AKAP12: variants seen among roughly 807,000 people sequenced by gnomAD.
The protein encoded by AKAP12 is A-kinase anchor protein 12.
In AKAP12, 32 loss-of-function variants were observed where a neutral mutation model predicts 79.9. That is an observed-to-expected ratio of 0.40 (90% CI 0.30 to 0.54). The LOEUF is 0.54. Ranked by LOEUF, AKAP12 falls within the 20% of genes least tolerant of loss-of-function variation. AKAP12 has a pLI of 0.48. For synonymous variants in AKAP12, 808 were observed against 857.0 expected, an observed-to-expected ratio of 0.94 and a Z score of 1.00; for missense variants, 2,074 against 2,177.0, an observed-to-expected ratio of 0.95 and a Z score of 0.94.
chr6:151,284,749 C>T (rs1166766162), intron 2 of AKAP12, among the ~76,000 whole-genome samples: 1 of 152,196 alleles, frequency 6.6e-6, no homozygotes, highest in Admixed American at 6.5e-5. Flanking sequence ...TTCTGGTACA[C>T]TTTCTCTTAT....
At chr6:151,321,901 A>ATGTTGTTGTTTTT (rs1163269904) in intron 3 of AKAP12, among the ~76,000 whole-genome samples, 41 of 58,488 alleles carry the variant, frequency 7.0e-4, no homozygotes, top group African/African-American at 2.8e-3. Context: ...CATCAGCTTT[A>ATGTTGTTGTTTTT]TGTTTTTTTT....
At chr6:151,253,500 A>C (rs1306962914) in intron 2 of AKAP12, among the ~76,000 whole-genome samples, 1 of 151,976 alleles carries the variant, frequency 6.6e-6, no homozygotes, top group Non-Finnish European at 1.5e-5. Flanking sequence ...AATTAAAATT[A>C]CAGGCATGAG....
At chr6:151,294,841 T>C (rs892915400) in intron 2 of AKAP12, among the ~76,000 whole-genome samples, 1 of 152,242 alleles carries the variant, frequency 6.6e-6, no homozygotes, top group Non-Finnish European at 1.5e-5. Context: ...TAAAACATAC[T>C]GCATGCATCC....
intron 3 of AKAP12, among the ~76,000 whole-genome samples, chr6:151,309,538 G>A (rs1777046700): frequency 6.6e-6 from 1 of 152,096 alleles, no homozygotes; most frequent in African/African-American, 2.4e-5. Flanking sequence ...TGGAAATACT[G>A]GTAGTTCAGA....
At chr6:151,302,570 C>T (rs889742875) in intron 2 of AKAP12, among the ~76,000 whole-genome samples, 1 of 151,750 alleles carries the variant, frequency 6.6e-6, no homozygotes, top group Non-Finnish European at 1.5e-5. Context: ...GGGCAATTCA[C>T]AGAGGATTAT....
chr6:151,351,646 T>A lies in AKAP12; in HGVS notation c.3255T>A (p.Gly1085=). 6.2e-7 allele frequency: 1 copy of A among 1,614,000 alleles called. No individual in the cohort carries two copies. Among genetic ancestry groups the A allele is most frequent in the Non-Finnish European group, 8.5e-7 (1 of 1,180,004 alleles). Residue 1085 remains glycine (G), a synonymous_variant, in exon 4 of 5, where the codon GGT becomes GGA. Coordinates refer to ENST00000402676, the MANE Select transcript of AKAP12 (RefSeq NM_005100.4). The surrounding 1 kb of genome is among the most constrained non-coding windows in gnomAD (Gnocchi z 4.4). The part of the protein sequence containing the change: ...ERPEEQAEAS[G]LKKETDVVLK... ...CAGAAGAGCAGGCTGAAGCGTCGGG[T>A]CTGAAGAAAGAGACGGATGTAGTGT...
intron 3 of AKAP12, among the ~76,000 whole-genome samples, chr6:151,336,243 CTT>C (rs1777810530): frequency 6.6e-6 from 1 of 152,172 alleles, no homozygotes; most frequent in African/African-American, 2.4e-5. Flanking sequence ...GTGCAGGCAT[CTT>C]TTTGATAAAC....
At position 151,271,826 on chromosome 6, in the gene AKAP12, AT is replaced by A. The variant is rs1362818230; in HGVS notation, c.162+31107del. 1.1e-4 allele frequency among the ~76,000 whole-genome samples: 17 copies of A among 151,446 alleles called. 1 individual carries two copies. Among genetic ancestry groups the A allele is most frequent in the Admixed American group, 1.1e-3 (16 of 15,192 alleles). ...AGGCGCTTGCCACCACGCCCAGCTA[AT>A]TTTTGTATTTTTAGTAGAGACGGGG... On this transcript the variant is annotated intron_variant, in intron 2 of 4. Coordinates refer to ENST00000402676, the MANE Select transcript of AKAP12 (RefSeq NM_005100.4).
intron 2 of AKAP12, among the ~76,000 whole-genome samples, chr6:151,267,142 C>A (rs996750170): frequency 5.4e-5 from 8 of 148,434 alleles, no homozygotes; most frequent in African/African-American, 1.2e-4. Flanking sequence ...TAAAAAAAAA[C>A]CAGCAGACAG....
intron 3 of AKAP12, among the ~76,000 whole-genome samples, chr6:151,326,960 G>T (rs781528765): frequency 1.4e-4 from 21 of 152,044 alleles, no homozygotes; most frequent in African/African-American, 5.1e-4. Flanking sequence ...GGGGTTACAG[G>T]CACGTGCCAC....
rs775450726 is a variant in AKAP12, at chr6:151,352,823, G to A, written c.4432G>A (p.Asp1478Asn). 4 of 1,614,060 alleles carry A rather than the reference G, an allele frequency of 2.5e-6. No individual in the cohort carries two copies. Among genetic ancestry groups the A allele is most frequent in the Middle Eastern group, 1.6e-4 (1 of 6,084 alleles). Residue 1478 changes from aspartate (D) to asparagine (N), a missense_variant, in exon 4 of 5, where the codon GAC becomes AAC. By Grantham distance (23) the Asp-to-Asn change is conservative. Around this residue, in one of 3 missense-constraint regions of AKAP12, gnomAD observed 614 missense variants for 665.6 expected, o/e 0.92. Coordinates refer to ENST00000402676, the MANE Select transcript of AKAP12 (RefSeq NM_005100.4). ...PGEDAVPTGP[D>N]CQAKSTPVIV... ...GGAAGATGCTGTGCCCACAGGGCCC[G>A]ACTGTCAGGCAAAATCGACACCAGT...
At chr6:151,255,440 C>T (rs1260642880) in intron 2 of AKAP12, among the ~76,000 whole-genome samples, 2 of 151,910 alleles carry the variant, frequency 1.3e-5, no homozygotes, top group East Asian at 2.0e-4. Context: ...GGATTACAGG[C>T]GTGAGCCACC....
intron 3 of AKAP12, among the ~76,000 whole-genome samples, chr6:151,321,355 C>A (rs953694520): frequency 1.3e-5 from 2 of 152,144 alleles, no homozygotes; most frequent in African/African-American, 4.8e-5. Context: ...CCGCCAAAAC[C>A]CCCAGTCTTA....
chr6:151,289,947 G>A (rs1478049875), intron 2 of AKAP12, among the ~76,000 whole-genome samples: 2 of 152,184 alleles, frequency 1.3e-5, no homozygotes, highest in African/African-American at 2.4e-5. Context: ...TGGGTAACAT[G>A]ATGACTAGCA....
rs111481039 is a variant in AKAP12 at position 151,347,250 on chromosome 6, C to G, written c.320-1461C>G. On this transcript the variant is annotated intron_variant, in intron 3 of 4. Coordinates refer to ENST00000402676, the MANE Select transcript of AKAP12 (RefSeq NM_005100.4). ...AAAATATTCTTCATACGTCCTCTGACCCAGCCTGGAATTTCTCCAAAGAGC... is the reference window on the plus strand; with the variant it reads ...AAAATATTCTTCATACGTCCTCTGAGCCAGCCTGGAATTTCTCCAAAGAGC... 8.6e-3 allele frequency among the ~76,000 whole-genome samples: 1,307 copies of G among 152,356 alleles called. 6 individuals carry two copies. Among genetic ancestry groups the G allele is most frequent in the Non-Finnish European group, 0.013 (879 of 68,034 alleles).
intron 2 of AKAP12, among the ~76,000 whole-genome samples, chr6:151,265,606 A>T (rs1024974847): frequency 6.6e-6 from 1 of 152,236 alleles, no homozygotes; most frequent in Non-Finnish European, 1.5e-5. Context: ...GAAAATAAAC[A>T]TACAGTATTA....
intron 2 of AKAP12, among the ~76,000 whole-genome samples, chr6:151,256,962 A>ATATATATATATAT (rs1554319585): frequency 6.6e-6 from 1 of 151,092 alleles, no homozygotes; most frequent in African/African-American, 2.4e-5. Flanking sequence ...ATATATATAT[A>ATATATATATATAT]AACTTTAAAT....
chr6:151,256,772 T>C (rs7382081), intron 2 of AKAP12, among the ~76,000 whole-genome samples: 105,675 of 151,274 alleles, frequency 0.7, 38,217 homozygotes, highest in African/African-American at 0.88. Context: ...GCCTCATCCT[T>C]TCAAGTATCT....
intron 3 of AKAP12, among the ~76,000 whole-genome samples, chr6:151,330,605 T>C (rs528066018): frequency 6.6e-6 from 1 of 152,160 alleles, no homozygotes; most frequent in Non-Finnish European, 1.5e-5. Flanking sequence ...GAACATGTCG[T>C]TTCTGCAGTA....
Sources: gnomAD v4.1 joint callset for allele counts (sites outside exome capture counted in the v4.1 genomes callset) on GRCh38, gnomAD v4.1.1 for gene constraint, gnomAD v4.1.1 regional missense constraint, Gnocchi (gnomAD v3.1) non-coding constraint, MANE v1.5 for transcripts, NCBI Gene and HGNC (gene_info 2026-07-23, HGNC 2026-07-21) for gene names.